Variants in TENM2 observed in about 807,000 individuals in gnomAD.
TENM2 encodes the protein teneurin-2.
TENM2 carries 52 observed loss-of-function variants against 245.2 expected under a neutral mutation model. The observed-to-expected ratio is 0.21, with a 90% CI of 0.17 to 0.27. TENM2 has a LOEUF of 0.27. Among genes scored for constraint, TENM2 ranks in the 10% least tolerant of loss-of-function variants. The pLI is 1.00. For missense variants in TENM2, 3,046 were observed against 3,666.8 expected, an observed-to-expected ratio of 0.83 and a Z score of 4.37; for synonymous variants, 1,363 against 1,438.9, an observed-to-expected ratio of 0.95 and a Z score of 1.19.
intron 2 of TENM2, among the ~76,000 whole-genome samples, chr5:167,398,269 A>G (rs1362057351): frequency 2.6e-5 from 4 of 152,196 alleles, no homozygotes; most frequent in African/African-American, 9.7e-5. Context: ...CAAATTACCA[A>G]TAAGATCTCA....
chr5:167,584,452 A>G (rs1337881787), intron 2 of TENM2, among the ~76,000 whole-genome samples: 2 of 152,198 alleles, frequency 1.3e-5, no homozygotes, highest in Non-Finnish European at 2.9e-5. Context: ...GACTTGGCCC[A>G]TGACCAGTCT....
chr5:167,935,051 G>A lies in TENM2; in HGVS notation c.713-17537G>A, dbSNP rs529529363. ...AGCGGGAAAGGTCAGAACACCTCAG[G>A]GGATGAGGACAGAGCCAGGGCAAGA... On this transcript the variant is annotated intron_variant, in intron 3 of 28. Coordinates refer to ENST00000518659, the Ensembl canonical transcript of TENM2. 3.6e-5 allele frequency: 11 copies of A among 307,338 alleles called. No individual in the cohort carries two copies. In the South Asian group the frequency reaches 8.8e-4, roughly 25 times the overall value. The allele number at this position is 307,338 out of a possible 1,614,324, so 19.0% of individuals were successfully genotyped here.
intron 2 of TENM2, among the ~76,000 whole-genome samples, chr5:167,379,264 T>C (rs941854157): frequency 1.3e-5 from 2 of 152,300 alleles, no homozygotes; most frequent in Admixed American, 6.5e-5. Context: ...TTCTATTAGA[T>C]TGAGTCCTTT....
chr5:167,650,378 T>C (rs562464261), intron 2 of TENM2, among the ~76,000 whole-genome samples: 2 of 152,316 alleles, frequency 1.3e-5, no homozygotes, highest in East Asian at 3.9e-4. Context: ...AATAATTCTT[T>C]TTTTCTGGCT....
chr5:167,224,411 ATT>A, the TENM2 span, among the ~76,000 whole-genome samples: 1 of 151,892 alleles, frequency 6.6e-6, no homozygotes, highest in Non-Finnish European at 1.5e-5. Context: ...GCATATGATT[ATT>A]GAGTTTCCCA....
chr5:168,096,638 G>A (rs2152272248), intron 8 of TENM2, among the ~76,000 whole-genome samples: 1 of 152,276 alleles, frequency 6.6e-6, no homozygotes. Flanking sequence ...GAGTAAATGG[G>A]AAATCAGGTT....
intron 25 of TENM2, among the ~76,000 whole-genome samples, chr5:168,234,526 C>G (rs1368082293): frequency 6.6e-6 from 1 of 152,176 alleles, no homozygotes; most frequent in African/African-American, 2.4e-5. Flanking sequence ...CATCCTCCAT[C>G]CCTCCGAAGC....
At chr5:167,678,232 CTAAT>C (rs1377058055) in intron 2 of TENM2, among the ~76,000 whole-genome samples, 4 of 151,866 alleles carry the variant, frequency 2.6e-5, no homozygotes, top group African/African-American at 9.6e-5. Context: ...TTTGTATTTC[CTAAT>C]TCTCTACGAT....
the TENM2 span, among the ~76,000 whole-genome samples, chr5:167,231,095 C>A: frequency 1.2e-4 from 18 of 152,290 alleles, no homozygotes; most frequent in East Asian, 3.5e-3. Flanking sequence ...GCCTCCCCAG[C>A]CATGCAAAAC....
At chr5:167,140,087 A>G in the TENM2 span, among the ~76,000 whole-genome samples, 8 of 152,206 alleles carry the variant, frequency 5.3e-5, no homozygotes, top group African/African-American at 1.7e-4. Flanking sequence ...TTTGAACACA[A>G]TTCTAATTCC....
the TENM2 span, among the ~76,000 whole-genome samples, chr5:167,126,573 A>G: frequency 6.6e-6 from 1 of 152,234 alleles, no homozygotes; most frequent in African/African-American, 2.4e-5. Context: ...GAGAAAAAAC[A>G]AACAAAAAGA....
chr5:167,550,435 C>T (rs1772851794), intron 2 of TENM2, among the ~76,000 whole-genome samples: 1 of 152,116 alleles, frequency 6.6e-6, no homozygotes, highest in African/African-American at 2.4e-5. Context: ...TCAGAAATCA[C>T]TTTCGACTTT....
the TENM2 span, among the ~76,000 whole-genome samples, chr5:167,110,172 A>T: frequency 6.6e-6 from 1 of 152,162 alleles, no homozygotes; most frequent in Admixed American, 6.5e-5. Flanking sequence ...AATCCTTTTT[A>T]TGTCAAATTG....
At chr5:167,414,263 A>C (rs1164488648) in intron 2 of TENM2, among the ~76,000 whole-genome samples, 1 of 152,166 alleles carries the variant, frequency 6.6e-6, no homozygotes, top group Non-Finnish European at 1.5e-5. Flanking sequence ...GATCTCTCTA[A>C]GTGCATGAAA....
chr5:167,660,635 T>A (rs1755149588), intron 2 of TENM2, among the ~76,000 whole-genome samples: 1 of 152,052 alleles, frequency 6.6e-6, no homozygotes, highest in Non-Finnish European at 1.5e-5. Context: ...AAAAATGTCT[T>A]TAGCTTTATT....
intron 2 of TENM2, among the ~76,000 whole-genome samples, chr5:167,646,865 T>A (rs573331195): frequency 6.6e-6 from 1 of 152,316 alleles, no homozygotes; most frequent in South Asian, 2.1e-4. Flanking sequence ...AGCCAATTGC[T>A]CCTTCCATCT....
intron 2 of TENM2, among the ~76,000 whole-genome samples, chr5:167,731,138 A>C (rs902968145): frequency 6.6e-6 from 1 of 151,842 alleles, no homozygotes; most frequent in Non-Finnish European, 1.5e-5. Flanking sequence ...CACGTTTTAT[A>C]TTAAAACACC....
the TENM2 span, among the ~76,000 whole-genome samples, chr5:167,197,896 T>C: frequency 2.0e-5 from 3 of 151,830 alleles, no homozygotes; most frequent in Admixed American, 2.0e-4. Context: ...TATGTGTGTG[T>C]ATATATACAC....
intron 12 of TENM2, among the ~76,000 whole-genome samples, chr5:168,133,718 A>T (rs1056563380): frequency 6.6e-6 from 1 of 152,192 alleles, no homozygotes; most frequent in Non-Finnish European, 1.5e-5. Flanking sequence ...ACATTGAAAA[A>T]CTTCCTTGCA....
Sources: allele counts gnomAD v4.1 joint callset (sites outside exome capture counted in the v4.1 genomes callset), GRCh38; gene constraint gnomAD v4.1.1; transcripts MANE v1.5; gene names NCBI Gene and HGNC (gene_info 2026-07-23, HGNC 2026-07-21).